UFM1: variants seen among roughly 807,000 people sequenced by gnomAD.
UFM1 encodes the protein ubiquitin-fold modifier 1.
A neutral mutation model predicts 15.4 loss-of-function variants in UFM1; 9 were observed. The observed-to-expected ratio is 0.59, with a 90% confidence interval of 0.35 to 1.02. The LOEUF (loss-of-function observed/expected upper bound fraction) is 1.02, where lower values mean the gene tolerates loss of function less well. Among genes scored for constraint, UFM1 ranks in the 50% least tolerant of loss-of-function variants. UFM1 has a pLI of 0.02. For missense variants in UFM1, 98 were observed against 104.7 expected (o/e 0.94, Z 0.28); for synonymous variants, 27 against 36.3 (o/e 0.74, Z 0.92).
In UFM1 at chr13:38,361,822, C is replaced by T. The variant is rs982053771; in HGVS notation, c.*1044C>T. The T allele has an allele frequency of 9.8e-5, 15 of 152,426 alleles. 1 individual carries two copies. The highest frequency in any genetic ancestry group is 8.5e-4 in the Admixed American group (13 of 15,300). The allele number at this position is 152,426 out of a possible 1,614,324, so 9.4% of individuals were successfully genotyped here. A position where few individuals can be genotyped will look rare whatever the true frequency, so the allele number is the denominator to read the frequency against. On this transcript the variant is annotated 3_prime_UTR_variant, in exon 6 of 6. Transcript: ENST00000239878. ...AACAGAAGGGGGTAGCAAAGTGTTA[C>T]AGAAAAGCGGACTGGATAGACAAAA...
Position 38,349,889 on chromosome 13 carries a change from T to G in UFM1, c.-31T>G. 1 of 1,614,076 alleles carries G rather than the reference T, an allele frequency of 6.2e-7. No homozygotes were observed. The highest frequency in any genetic ancestry group is 8.5e-7 in the Non-Finnish European group (1 of 1,180,020). On this transcript the variant is annotated 5_prime_UTR_variant, in exon 1 of 6. Transcript: ENST00000239878. Reference sequence around the variant, plus strand: ...AAGTCGTGCTACCCCCGCGGAGTTGTCGTGTGTTCTGGATTCATTCCGGCA... The same window carrying G: ...AAGTCGTGCTACCCCCGCGGAGTTGGCGTGTGTTCTGGATTCATTCCGGCA...
rs867550731 is a variant in UFM1, at chr13:38,359,242, A to T, written c.158-59A>T. On this transcript the variant is annotated intron_variant, in intron 4 of 5. Coordinates refer to ENST00000239878, the MANE Select transcript of UFM1 (RefSeq NM_016617.4). ...ATTTTGGCAAATCTCTTTCCTTGCT[A>T]CTATTTAACCATTTTAGCTTTAGAA... 4 of 1,550,298 alleles carry T rather than the reference A, an allele frequency of 2.6e-6. No homozygotes were observed. In the South Asian group the frequency reaches 4.6e-5, roughly 18 times the overall value.
chr13:38,359,884 T>A (rs570403664), intron 5 of UFM1: 9 of 177,760 alleles, frequency 5.1e-5, no homozygotes, highest in Non-Finnish European at 1.1e-4. Context: ...TTTTTTAAAA[T>A]TAGTTTTATA....
Position 38,357,513 on chromosome 13 carries a change from G to GT in UFM1, c.118-570dup, listed in dbSNP as rs34489703. ...TCAAAAGCACTGTTTATAATACAGG[G>GT]TTTTTTTTTTACAGATAAAGCATAT... On this transcript the variant is annotated intron_variant, in intron 3 of 5. Transcript: ENST00000239878. Among the ~76,000 whole-genome samples, 1,104 of 149,014 alleles carry GT rather than the reference G, an allele frequency of 7.4e-3. 13 individuals carry two copies. The highest frequency in any genetic ancestry group is 0.024 in the African/African-American group (974 of 41,072).
rs775542915 is a variant in UFM1, at chr13:38,350,033, G to A, written c.37G>A (p.Asp13Asn). 1 of 1,614,192 alleles carries A rather than the reference G, an allele frequency of 6.2e-7. No homozygotes were observed. The highest frequency in any genetic ancestry group is 8.5e-7 in the Non-Finnish European group (1 of 1,180,034). The part of the protein sequence containing the change: ...KVSFKITLTS[D>N]PRLPYKVLSV... ...TTCCTTTAAGATCACGCTGACGTCG[G>A]ACCCACGGCTGCCGTACAAAGTGTG... Residue 13 changes from aspartate (D) to asparagine (N), a missense_variant, in exon 2 of 6, where the codon GAC (aspartate) becomes AAC (asparagine). Transcript: ENST00000239878.
At position 38,363,498 on chromosome 13, in the gene UFM1, A is replaced by G. The variant is rs1289724189; in HGVS notation, c.*2720A>G. ...AATGCCTGTCCATTTTACAGACGGAAAAAAAAAAAAAAAAAGTTGAGAAGA... is the reference window on the plus strand; with the variant it reads ...AATGCCTGTCCATTTTACAGACGGAGAAAAAAAAAAAAAAAGTTGAGAAGA... On this transcript the variant is annotated 3_prime_UTR_variant, in exon 6 of 6. Coordinates refer to ENST00000239878, the MANE Select transcript of UFM1 (RefSeq NM_016617.4). 1.7e-3 allele frequency: 9 copies of G among 5,146 alleles called. No homozygotes were observed. The highest frequency in any genetic ancestry group is 0.25 in the East Asian group (1 of 4). 0.3% of individuals were successfully genotyped at this position (5,146 alleles called of 1,614,324 possible).
chr13:38,355,369 C>G (rs2140055836), intron 3 of UFM1, among the ~76,000 whole-genome samples: 1 of 152,076 alleles, frequency 6.6e-6, no homozygotes, highest in Admixed American at 6.5e-5. Flanking sequence ...AGATGGGACA[C>G]AAATCTGAGT....
Position 38,358,075 on chromosome 13 carries a change from T to TG in UFM1, c.118-18_118-17insG, listed in dbSNP as rs777223834. On this transcript the variant is annotated splice_polypyrimidine_tract_variant and intron_variant, in intron 3 of 5. Coordinates refer to ENST00000239878, the MANE Select transcript of UFM1 (RefSeq NM_016617.4). ...TGTGTGTGTATATATATATATATTT[T>TG]TTTTTCCTTCTATTTAGTTTAAAGT... The TG allele has an allele frequency of 7.8e-7, 1 of 1,285,618 alleles. No individual in the cohort carries two copies. The highest frequency in any genetic ancestry group is 2.7e-5 in the East Asian group (1 of 36,658). 79.6% of individuals were successfully genotyped at this position (1,285,618 alleles called of 1,614,324 possible). A position where few individuals can be genotyped will look rare whatever the true frequency, so the allele number is the denominator to read the frequency against.
At chr13:38,358,026 A>T in intron 3 of UFM1, 67 bp from the exon 4 acceptor site, 1 of 758,216 alleles carries the variant, frequency 1.3e-6, no homozygotes, top group Non-Finnish European at 1.9e-6. Context: ...CTTGCTAATT[A>T]TCTTATAGTT....
rs1429428927 is a variant in UFM1 at position 38,361,704 on chromosome 13, A to G, written c.*926A>G. 1 of 152,218 alleles carries G rather than the reference A, an allele frequency of 6.6e-6. No homozygotes were observed. The highest frequency in any genetic ancestry group is 1.5e-5 in the Non-Finnish European group (1 of 68,048). 9.4% of individuals were successfully genotyped at this position (152,218 alleles called of 1,614,324 possible). A position where few individuals can be genotyped will look rare whatever the true frequency, so the allele number is the denominator to read the frequency against. Reference sequence around the variant, plus strand: ...AAGGAAGTGCTAAGATCAGTCACCCATGTGAATAAGAAGCCAGGAAAGGAA... The same window carrying G: ...AAGGAAGTGCTAAGATCAGTCACCCGTGTGAATAAGAAGCCAGGAAAGGAA... On this transcript the variant is annotated 3_prime_UTR_variant, in exon 6 of 6. Coordinates refer to ENST00000239878, the MANE Select transcript of UFM1 (RefSeq NM_016617.4).
At position 38,361,392 on chromosome 13, in the gene UFM1, T is replaced by C. The variant is rs1452341513; in HGVS notation, c.*614T>C. 1 of 152,166 alleles carries C rather than the reference T, an allele frequency of 6.6e-6. No homozygotes were observed. The highest frequency in any genetic ancestry group is 1.5e-5 in the Non-Finnish European group (1 of 68,018). 9.4% of individuals were successfully genotyped at this position (152,166 alleles called of 1,614,324 possible). A position where few individuals can be genotyped will look rare whatever the true frequency, so the allele number is the denominator to read the frequency against. On this transcript the variant is annotated 3_prime_UTR_variant, in exon 6 of 6. Coordinates refer to ENST00000239878, the MANE Select transcript of UFM1 (RefSeq NM_016617.4). ...TCTAACCCTTATGTGTATAAATTGGTGTCCCATACCAGCTTTTAATGGTGG... is the reference window on the plus strand; with the variant it reads ...TCTAACCCTTATGTGTATAAATTGGCGTCCCATACCAGCTTTTAATGGTGG...
intron 4 of UFM1, among the ~76,000 whole-genome samples, 199 bp downstream of exon 4, chr13:38,358,331 T>G (rs1879215330): frequency 6.6e-6 from 1 of 151,854 alleles, no homozygotes; most frequent in Admixed American, 6.6e-5. Context: ...GCTTTTGATA[T>G]AGTATAGCAC....
At position 38,361,944 on chromosome 13, in the gene UFM1, A is replaced by G. The variant is rs2485784; in HGVS notation, c.*1166A>G. The stretch of plus-strand genomic sequence containing the variant: ...GGCAGTTAGAGAAAACAAAGTATCT[A>G]CTGGCCTTGTCAACATACAGACTTC... On this transcript the variant is annotated 3_prime_UTR_variant, in exon 6 of 6. Coordinates refer to ENST00000239878, the MANE Select transcript of UFM1 (RefSeq NM_016617.4). 6.6e-6 allele frequency: 1 copy of G among 152,358 alleles called. No homozygotes were observed. Among genetic ancestry groups the G allele is most frequent in the African/African-American group, 2.4e-5 (1 of 41,570 alleles). 9.4% of individuals were successfully genotyped at this position (152,358 alleles called of 1,614,324 possible). A position where few individuals can be genotyped will look rare whatever the true frequency, so the allele number is the denominator to read the frequency against.
chr13:38,358,855 G>A (rs991731316), intron 4 of UFM1, among the ~76,000 whole-genome samples: 8 of 152,082 alleles, frequency 5.3e-5, no homozygotes, highest in African/African-American at 9.6e-5. Context: ...TTACTACCTG[G>A]AAAGTTTTAG....
In UFM1 at chr13:38,363,509, AAAAAGTT is replaced by A. The variant is rs1329233066; in HGVS notation, c.*2732_*2738del. The A allele has an allele frequency of 5.1e-4, 77 of 152,258 alleles. No homozygotes were observed. Among genetic ancestry groups the A allele is most frequent in the African/African-American group, 1.6e-3 (65 of 41,548 alleles). The allele number at this position is 152,258 out of a possible 1,614,324, so 9.4% of individuals were successfully genotyped here. Reference sequence around the variant, plus strand: ...ATTTTACAGACGGAAAAAAAAAAAAAAAAAGTTGAGAAGAAAATGGGGTTATTGTAAC... The same window carrying A: ...ATTTTACAGACGGAAAAAAAAAAAAAGAGAAGAAAATGGGGTTATTGTAAC... On this transcript the variant is annotated 3_prime_UTR_variant, in exon 6 of 6. Transcript: ENST00000239878.
rs147687220 is a variant in UFM1, at chr13:38,357,156, C to T, written c.118-937C>T. Among the ~76,000 whole-genome samples, 10 of 151,986 alleles carry T rather than the reference C, an allele frequency of 6.6e-5. No homozygotes were observed. The East Asian group carries it at 1.7e-3, about 26-fold the overall frequency. ...TCCTAATGACATAATTGGACTATTGCAATCCTTGAGCTTTAAATCAGCAAA... is the reference window on the plus strand; with the variant it reads ...TCCTAATGACATAATTGGACTATTGTAATCCTTGAGCTTTAAATCAGCAAA... On this transcript the variant is annotated intron_variant, in intron 3 of 5. Coordinates refer to ENST00000239878, the MANE Select transcript of UFM1 (RefSeq NM_016617.4).
At chr13:38,352,482 T>G (rs1240219375) in intron 2 of UFM1, among the ~76,000 whole-genome samples, 2 of 152,110 alleles carry the variant, frequency 1.3e-5, no homozygotes, top group Non-Finnish European at 1.5e-5. Context: ...TCTTACCAAT[T>G]TATGTTATTA....
intron 2 of UFM1, chr13:38,350,340 C>T (rs1878779538): frequency 5.2e-6 from 6 of 1,151,296 alleles, no homozygotes; most frequent in Non-Finnish European, 7.5e-6. Flanking sequence ...GCAGGTGGCG[C>T]GGGAGGACAG....
chr13:38,349,872 C>T lies in UFM1; in HGVS notation c.-48C>T, dbSNP rs779056293. The T allele has an allele frequency of 3.1e-6, 5 of 1,614,136 alleles. No homozygotes were observed. Among genetic ancestry groups the T allele is most frequent in the East Asian group, 4.5e-5 (2 of 44,854 alleles). ...CCCCAGCACACTAGAGGAAGTCGTG[C>T]TACCCCCGCGGAGTTGTCGTGTGTT... is the stretch of plus-strand genomic sequence containing the variant. On this transcript the variant is annotated 5_prime_UTR_variant, in exon 1 of 6. Transcript: ENST00000239878.
Sources: allele counts gnomAD v4.1 joint callset (sites outside exome capture counted in the v4.1 genomes callset), GRCh38; gene constraint gnomAD v4.1.1; transcripts MANE v1.5; gene names NCBI Gene and HGNC (gene_info 2026-07-23, HGNC 2026-07-21).